MORN5: variants seen among roughly 807,000 people sequenced by gnomAD.
The protein encoded by MORN5 is MORN repeat-containing protein 5.
A neutral mutation model predicts 22.1 loss-of-function variants in MORN5; 21 were observed. The ratio of observed to expected loss-of-function variants is 0.95; its 90% CI spans 0.67 to 1.37. The LOEUF (loss-of-function observed/expected upper bound fraction) is 1.37, where lower values mean the gene tolerates loss of function less well. MORN5 is among the 40% of genes most tolerant of loss of function. The probability of loss-of-function intolerance (pLI) is 0.00; values close to 1 mark genes in which losing one functional copy is unlikely to be tolerated. For missense variants in MORN5, 211 were observed against 215.1 expected (o/e 0.98, Z 0.12); for synonymous variants, 73 against 74.0 (o/e 0.99, Z 0.07).
At chr9:122,164,535 C>A in intron 1 of MORN5, 1 of 977,956 alleles carries the variant, frequency 1.0e-6, no homozygotes, top group Non-Finnish European at 1.2e-6. Flanking sequence ...TGATACCATT[C>A]ATGGAAATAG....
At chr9:122,188,333 C>T (rs1251368275) in intron 4 of MORN5, among the ~76,000 whole-genome samples, 1 of 152,254 alleles carries the variant, frequency 6.6e-6, no homozygotes, top group East Asian at 1.9e-4. Context: ...CTCTGAGCCT[C>T]AGTAGCCTCC....
At chr9:122,173,083 G>A (rs150842420) in intron 3 of MORN5, among the ~76,000 whole-genome samples, 175 of 152,312 alleles carry the variant, frequency 1.1e-3, no homozygotes, top group African/African-American at 4.0e-3. Context: ...CTCACACAAT[G>A]GCTGGTTATG....
At chr9:122,199,659 G>A (rs998233917) in intron 4 of MORN5, among the ~76,000 whole-genome samples, 4 of 150,456 alleles carry the variant, frequency 2.7e-5, no homozygotes, top group African/African-American at 1.0e-4. Context: ...GCTTGCCTCC[G>A]CCAGCAGCAC....
At chr9:122,169,791 A>C in intron 3 of MORN5, 35 bp downstream of exon 3, 1 of 1,346,636 alleles carries the variant, frequency 7.4e-7, no homozygotes, top group Non-Finnish European at 1.1e-6. Flanking sequence ...TCATACCCAA[A>C]CTGAGAGGGA....
chr9:122,166,643 C>A, intron 1 of MORN5, 125 bp from the exon 2 acceptor site: 2 of 883,944 alleles, frequency 2.3e-6, no homozygotes, highest in African/African-American at 1.7e-5. Context: ...TTGTTTTCAG[C>A]AGAGTACTGC....
chr9:122,174,886 T>C (rs1184060554), intron 4 of MORN5: 10 of 1,285,144 alleles, frequency 7.8e-6, no homozygotes, highest in Non-Finnish European at 9.9e-6. Context: ...ATTAAGGTAC[T>C]TATTTTTGTA....
At chr9:122,192,037 C>T (rs942381951) in intron 4 of MORN5, among the ~76,000 whole-genome samples, 4 of 152,228 alleles carry the variant, frequency 2.6e-5, no homozygotes, top group Admixed American at 2.6e-4. Flanking sequence ...CTGGTCAGTC[C>T]TCACTCTGCC....
chr9:122,164,876 T>G (rs1388591934), intron 1 of MORN5, among the ~76,000 whole-genome samples: 1 of 152,216 alleles, frequency 6.6e-6, no homozygotes, highest in Non-Finnish European at 1.5e-5. Context: ...TCTCACTCAG[T>G]TATCTCAACA....
intron 1 of MORN5, among the ~76,000 whole-genome samples, chr9:122,161,538 A>G (rs1265981970): frequency 6.6e-6 from 1 of 152,164 alleles, no homozygotes; most frequent in Non-Finnish European, 1.5e-5. Context: ...TGACTGGCCC[A>G]CCATTATGGA....
At chr9:122,191,558 A>G (rs1039266433) in intron 4 of MORN5, among the ~76,000 whole-genome samples, 8 of 151,790 alleles carry the variant, frequency 5.3e-5, no homozygotes, top group Non-Finnish European at 1.0e-4. Flanking sequence ...GAGCTCTGCC[A>G]CTCTCCCAAG....
At chr9:122,175,464 T>A in intron 4 of MORN5, 1 of 985,316 alleles carries the variant, frequency 1.0e-6, no homozygotes, top group Non-Finnish European at 1.2e-6. Flanking sequence ...ACACAAATAA[T>A]AGAACATTTT....
chr9:122,182,438 C>T (rs1321662299), intron 4 of MORN5, among the ~76,000 whole-genome samples: 1 of 152,216 alleles, frequency 6.6e-6, no homozygotes, highest in Non-Finnish European at 1.5e-5. Flanking sequence ...CCTTGCTAGG[C>T]TCTGTGCCAA....
intron 4 of MORN5, among the ~76,000 whole-genome samples, chr9:122,179,036 A>G (rs1046317143): frequency 1.3e-5 from 2 of 152,200 alleles, no homozygotes; most frequent in African/African-American, 4.8e-5. Context: ...TAAGCCAGGG[A>G]GGTTTCCTGG....
chr9:122,174,609 C>A lies in MORN5; in HGVS notation c.421C>A (p.Arg141Ser). The change falls in exon 4 of 5, where the codon CGC becomes AGC. Residue 141 changes from arginine to serine, a missense_variant. Arg to Ser is a moderately radical substitution (Grantham distance 110). Transcript: ENST00000373764. ...GAGGGTAGTCAAGGACTATAGGAACCGCTTTCTAAGAAACGCAGGTAGGTT... is the reference window on the plus strand; with the variant it reads ...GAGGGTAGTCAAGGACTATAGGAACAGCTTTCTAAGAAACGCAGGTAGGTT... ...VTRVVKDYRN[R>S]FLRNADDDEH... 1 of 1,614,082 alleles carries A rather than the reference C, an allele frequency of 6.2e-7. No homozygotes were observed. Among genetic ancestry groups the A allele is most frequent in the South Asian group, 1.1e-5 (1 of 91,068 alleles).
intron 4 of MORN5, among the ~76,000 whole-genome samples, chr9:122,186,755 G>C (rs1829646702): frequency 1.3e-5 from 2 of 152,184 alleles, no homozygotes. Context: ...TCAGTAGCTG[G>C]AGTCAACCTG....
rs116275691 is a variant in MORN5 at position 122,197,470 on chromosome 9, G to A, written c.440-2415G>A. ...TTTAAATATTGATGAAATGTGCTTC[G>A]GCAACCTCACCCTGGCGTGGCAGGG... is the stretch of plus-strand genomic sequence containing the variant. On this transcript the variant is annotated intron_variant, in intron 4 of 4. Coordinates refer to ENST00000373764, the MANE Select transcript of MORN5 (RefSeq NM_198469.4). The surrounding 1 kb of genome is among the most constrained non-coding windows in gnomAD (Gnocchi z 5.7). 1.9e-3 allele frequency among the ~76,000 whole-genome samples: 284 copies of A among 152,242 alleles called. 3 individuals are homozygous for A. Among genetic ancestry groups the A allele is most frequent in the African/African-American group, 6.3e-3 (261 of 41,554 alleles).
At chr9:122,198,484 G>A (rs1452413809) in intron 4 of MORN5, among the ~76,000 whole-genome samples, 1 of 152,172 alleles carries the variant, frequency 6.6e-6, no homozygotes, top group African/African-American at 2.4e-5. Context: ...CAGGAGAACT[G>A]GTTAAAGGCA....
At chr9:122,189,919 T>C (rs1331506353) in intron 4 of MORN5, among the ~76,000 whole-genome samples, 3 of 152,130 alleles carry the variant, frequency 2.0e-5, no homozygotes, top group Non-Finnish European at 4.4e-5. Flanking sequence ...AAAAAGTTTT[T>C]AAAAATAAGA....
In MORN5 at chr9:122,166,887, C is replaced by T; in HGVS notation, c.167C>T (p.Ala56Val). Residue 56 changes from alanine (A) to valine (V), a missense_variant, in exon 2 of 5, where the codon GCC (alanine) becomes GTC (valine). By Grantham distance (64) the Ala-to-Val change is moderately conservative. Transcript: ENST00000373764. ...LYFPSGSQYD[A>V]IWENGLAIKG... Reference sequence around the variant, plus strand: ...TTCCCCAGCGGAAGCCAATACGACGCCATTTGGGAAAACGGATTGGCCATA... The same window carrying T: ...TTCCCCAGCGGAAGCCAATACGACGTCATTTGGGAAAACGGATTGGCCATA... 2 of 1,613,822 alleles carry T rather than the reference C, an allele frequency of 1.2e-6. No homozygotes were observed. The highest frequency in any genetic ancestry group is 8.5e-7 in the Non-Finnish European group (1 of 1,179,900).
Sources: allele counts gnomAD v4.1 joint callset (sites outside exome capture counted in the v4.1 genomes callset), GRCh38; gene constraint gnomAD v4.1.1; non-coding constraint Gnocchi (gnomAD v3.1); transcripts MANE v1.5; gene names NCBI Gene and HGNC (gene_info 2026-07-23, HGNC 2026-07-21).